Variants in XIAP observed in about 807,000 individuals in gnomAD.
The protein encoded by XIAP is X-linked inhibitor of apoptosis.
Under a neutral mutation model 33.1 loss-of-function variants are expected in XIAP, and 3 were observed. The ratio of observed to expected loss-of-function variants is 0.09; its 90% CI spans 0.04 to 0.23. XIAP has a LOEUF of 0.23. Among genes scored for constraint, XIAP ranks in the 10% least tolerant of loss-of-function variants. XIAP has a pLI of 1.00. For synonymous variants in XIAP, 98 were observed against 121.3 expected, an observed-to-expected ratio of 0.81 and a Z score of 1.26; for missense variants, 264 against 363.0, an observed-to-expected ratio of 0.73 and a Z score of 2.22.
chrX:123,885,567 A>G lies in XIAP; in HGVS notation c.-32-64A>G, dbSNP rs2053343780. 14 of 960,854 alleles carry G rather than the reference A, an allele frequency of 1.5e-5. No homozygotes were observed. The Middle Eastern group carries it at 1.5e-3, about 102-fold the overall frequency. 79.2% of individuals were successfully genotyped at this position (960,854 alleles called of 1,213,427 possible). A position where few individuals can be genotyped will look rare whatever the true frequency, so the allele number is the denominator to read the frequency against. On this transcript the variant is annotated intron_variant, in intron 1 of 6. Transcript: ENST00000371199. ...ATAAGTGGATAATTTGTTAGCTCCT[A>G]TAACAAAAGTCTGTTGCTTGTGTTT...
At chrX:123,859,883 T>G, upstream of XIAP, 1 of 250,030 alleles carries the variant, frequency 4.0e-6, no homozygotes, top group Middle Eastern at 1.5e-3. Context: ...GTGGCGCTCA[T>G]CGAGGGACGC....
At chrX:123,899,204 TG>T (rs751116686) in intron 5 of XIAP, among the ~76,000 whole-genome samples, 20 of 58,536 alleles carry the variant, frequency 3.4e-4, no homozygotes, top group African/African-American at 1.3e-3. Flanking sequence ...TATATGATTG[TG>T]TATATATATA....
At chrX:123,889,436 C>A in intron 3 of XIAP, among the ~76,000 whole-genome samples, 1 of 109,785 alleles carries the variant, frequency 9.1e-6, no homozygotes, top group Non-Finnish European at 1.9e-5. Flanking sequence ...GAACTCCTGA[C>A]CTCAGGTGAT....
At chrX:123,874,869 ATTTT>A (rs773693860) in intron 1 of XIAP, among the ~76,000 whole-genome samples, 5 of 42,779 alleles carry the variant, frequency 1.2e-4, no homozygotes, top group Admixed American at 3.5e-4. Flanking sequence ...TAATTCTTGT[ATTTT>A]TTTTTTTTTT....
At chrX:123,889,035 C>T (rs1182813816) in intron 3 of XIAP, among the ~76,000 whole-genome samples, 5 of 108,259 alleles carry the variant, frequency 4.6e-5, no homozygotes, top group African/African-American at 1.7e-4. Flanking sequence ...TCTTGTGCCT[C>T]AGTCTCCTGA....
chrX:123,906,143 T>C (rs1049335610), intron 6 of XIAP, among the ~76,000 whole-genome samples: 1 of 113,009 alleles, frequency 8.8e-6, no homozygotes, highest in African/African-American at 3.2e-5. Context: ...ATTATTGTTA[T>C]ATGTGACCAT....
chrX:123,913,385 G>A lies in XIAP; in HGVS notation c.*6204G>A, dbSNP rs2053624503. The A allele has an allele frequency of 3.1e-6, 1 of 325,528 alleles. No individual in the cohort carries two copies. The highest frequency in any genetic ancestry group is 3.1e-5 in the Admixed American group (1 of 31,790). The allele number at this position is 325,528 out of a possible 1,213,427, so 26.8% of individuals were successfully genotyped here. On this transcript the variant is annotated 3_prime_UTR_variant, in exon 7 of 7. Transcript: ENST00000371199. ...CTAGAGCGACTGAGGCAGGAGAATT[G>A]CTTGAACCTGGGAGGCGGAGGTTGC...
At chrX:123,872,024 C>G (rs1048564177) in intron 1 of XIAP, among the ~76,000 whole-genome samples, 3 of 111,036 alleles carry the variant, frequency 2.7e-5, no homozygotes, top group African/African-American at 9.8e-5. Flanking sequence ...TTGCTTGAAC[C>G]CAGGAGGCGG....
intron 1 of XIAP, among the ~76,000 whole-genome samples, chrX:123,885,428 AAG>A (rs1195783821): frequency 8.9e-6 from 1 of 112,304 alleles, no homozygotes; most frequent in East Asian, 2.8e-4. Flanking sequence ...TTTCCTCAAA[AAG>A]AGAAAACAAA....
intron 1 of XIAP, chrX:123,874,045 CCTTTCT>C (rs1207949716): frequency 9.0e-6 from 1 of 111,311 alleles, no homozygotes; most frequent in East Asian, 2.8e-4. Flanking sequence ...CATATCCTTC[CCTTTCT>C]AAGTCATAAA....
intron 5 of XIAP, among the ~76,000 whole-genome samples, chrX:123,897,183 C>T (rs887427530): frequency 9.0e-6 from 1 of 111,428 alleles, no homozygotes; most frequent in African/African-American, 3.3e-5. Context: ...CTGCCTCGGA[C>T]TCCCAAAGTG....
intron 2 of XIAP, among the ~76,000 whole-genome samples, chrX:123,886,782 T>C (rs948506760): frequency 9.0e-6 from 1 of 111,633 alleles, no homozygotes; most frequent in African/African-American, 3.3e-5. Context: ...TTTTAGGAAG[T>C]AGATAACTTG....
At chrX:123,905,561 T>A (rs1431057931) in intron 6 of XIAP, among the ~76,000 whole-genome samples, 1 of 111,781 alleles carries the variant, frequency 8.9e-6, no homozygotes, top group African/African-American at 3.2e-5. Context: ...ACCTTTGTCA[T>A]CATACCATTT....
At chrX:123,876,798 A>T (rs1414229902) in intron 1 of XIAP, among the ~76,000 whole-genome samples, 1 of 112,225 alleles carries the variant, frequency 8.9e-6, no homozygotes, top group African/African-American at 3.2e-5. Context: ...AATGTTAGGC[A>T]GTCTTCCTAG....
rs2053588101 is a variant in XIAP at position 123,910,299 on chromosome X, G to A, written c.*3118G>A. The A allele has an allele frequency of 3.1e-6, 1 of 327,378 alleles. No individual in the cohort carries two copies. Among genetic ancestry groups the A allele is most frequent in the Non-Finnish European group, 5.9e-6 (1 of 169,653 alleles). The allele number at this position is 327,378 out of a possible 1,213,427, so 27.0% of individuals were successfully genotyped here. On this transcript the variant is annotated 3_prime_UTR_variant, in exon 7 of 7. Transcript: ENST00000371199. ...AGTGGGTGTAGTGAGTGTATATAAT[G>A]TGATTTGGCCCTGTGTATTATGATA... is the stretch of plus-strand genomic sequence containing the variant.
chrX:123,875,465 T>C (rs2053235881), intron 1 of XIAP, among the ~76,000 whole-genome samples: 1 of 112,580 alleles, frequency 8.9e-6, no homozygotes, highest in Non-Finnish European at 1.9e-5. Flanking sequence ...TTTTTAGTTC[T>C]AACAGGCAAA....
intron 5 of XIAP, among the ~76,000 whole-genome samples, chrX:123,894,579 G>A (rs1384456786): frequency 9.0e-6 from 1 of 110,773 alleles, no homozygotes; most frequent in Admixed American, 9.7e-5. Context: ...GACCAGCCCG[G>A]CCAACATGGT....
At chrX:123,898,670 T>A (rs1028750845) in intron 5 of XIAP, among the ~76,000 whole-genome samples, 10 of 109,075 alleles carry the variant, frequency 9.2e-5, no homozygotes, top group African/African-American at 3.0e-4. Flanking sequence ...TTTATTTTTA[T>A]TTTTTAATAT....
chrX:123,867,038 C>T, intron 1 of XIAP, among the ~76,000 whole-genome samples: 1 of 47,952 alleles, frequency 2.1e-5, no homozygotes, highest in Non-Finnish European at 3.8e-5. Context: ...TTGTTTTAAT[C>T]CCCCCCCCCC....
Sources: allele counts gnomAD v4.1 joint callset (sites outside exome capture counted in the v4.1 genomes callset), GRCh38; gene constraint gnomAD v4.1.1; transcripts MANE v1.5; gene names NCBI Gene and HGNC (gene_info 2026-07-23, HGNC 2026-07-21).